Variants in PCSK5 observed in about 807,000 individuals in gnomAD.
PCSK5 encodes the protein prohormone convertase 5.
Under a neutral mutation model 233.2 loss-of-function variants are expected in PCSK5, and 129 were observed. The ratio of observed to expected loss-of-function variants is 0.55; its 90% CI spans 0.48 to 0.64. The LOEUF (loss-of-function observed/expected upper bound fraction) is 0.64. Ranked by LOEUF, PCSK5 falls within the 30% of genes least tolerant of loss-of-function variation. The pLI, the probability that PCSK5 is intolerant of heterozygous loss-of-function variation, is 0.00. For synonymous variants in PCSK5, 825 were observed against 879.2 expected (o/e 0.94, Z 1.09); for missense variants, 2,076 against 2,430.1 (o/e 0.85, Z 3.06).
intron 35 of PCSK5, 85 bp from the exon 36 acceptor site, chr9:76,350,743 A>G (rs1264316890): frequency 3.1e-5 from 26 of 841,690 alleles, no homozygotes; most frequent in Non-Finnish European, 1.2e-5. Flanking sequence ...TACTTGACAT[A>G]TTCCTTGTTC....
rs1391235618 is a variant in PCSK5 at position 76,156,622 on chromosome 9, T to TG, written c.1313-419dup. On this transcript the variant is annotated intron_variant, in intron 10 of 37. Coordinates refer to ENST00000674117, the MANE Select transcript of PCSK5 (RefSeq NM_001372043.1). ...CACTTAAATGCAAGTGATTAAACAG[T>TG]GGGGCCCTGGAGAAAAACTACGTGC... Among the ~76,000 whole-genome samples the TG allele has an allele frequency of 2.6e-5, 4 of 152,192 alleles. No homozygotes were observed. The East Asian group carries it at 7.7e-4, about 29-fold the overall frequency.
intron 7 of PCSK5, among the ~76,000 whole-genome samples, chr9:76,073,458 A>G (rs1041909240): frequency 6.6e-6 from 1 of 152,146 alleles, no homozygotes; most frequent in Admixed American, 6.5e-5. Flanking sequence ...CTCATTGTCT[A>G]GAAGTTTTCT....
chr9:76,287,182 T>A (rs1264981957), intron 24 of PCSK5: 1 of 208,046 alleles, frequency 4.8e-6, no homozygotes, highest in African/African-American at 2.3e-5. Flanking sequence ...TAATATCTGA[T>A]CAGCAAGGGA....
At chr9:76,076,106 A>G (rs1268712639) in intron 7 of PCSK5, among the ~76,000 whole-genome samples, 1 of 152,236 alleles carries the variant, frequency 6.6e-6, no homozygotes, top group Non-Finnish European at 1.5e-5. Context: ...GACATAAATG[A>G]TAACAAGCCC....
At chr9:76,082,162 C>G (rs1164797453) in intron 7 of PCSK5, among the ~76,000 whole-genome samples, 2 of 152,134 alleles carry the variant, frequency 1.3e-5, no homozygotes, top group Non-Finnish European at 2.9e-5. Flanking sequence ...TGAAATTTTA[C>G]ATGTCATCTT....
chr9:76,142,154 T>C (rs1823256875), intron 10 of PCSK5, among the ~76,000 whole-genome samples: 1 of 151,806 alleles, frequency 6.6e-6, no homozygotes, highest in Admixed American at 6.6e-5. Context: ...AGTAATGTTT[T>C]AAATTTTTAA....
intron 28 of PCSK5, among the ~76,000 whole-genome samples, chr9:76,303,986 A>G (rs1392007609): frequency 6.6e-6 from 1 of 152,178 alleles, no homozygotes; most frequent in Non-Finnish European, 1.5e-5. Context: ...AGCCCGGGCA[A>G]AATGGTGAAA....
intron 1 of PCSK5, among the ~76,000 whole-genome samples, chr9:75,903,589 A>ATATATATTATATATATATTATATATAT: frequency 1.6e-5 from 2 of 128,788 alleles, no homozygotes; most frequent in Admixed American, 7.7e-5. Flanking sequence ...TATATATATA[A>ATATATATTATATATATATTATATATAT]AATATATATT....
intron 12 of PCSK5, among the ~76,000 whole-genome samples, chr9:76,163,054 G>C (rs779897833): frequency 2.0e-5 from 3 of 152,200 alleles, no homozygotes; most frequent in Non-Finnish European, 4.4e-5. Flanking sequence ...ATGAAGCAGA[G>C]GGGGAGAGTC....
chr9:76,121,723 T>C (rs1832635444), intron 9 of PCSK5, among the ~76,000 whole-genome samples: 1 of 152,186 alleles, frequency 6.6e-6, no homozygotes, highest in Non-Finnish European at 1.5e-5. Context: ...GGATCAGAGT[T>C]CTCGCATGTT....
chr9:76,202,440 A>G (rs1451883115), intron 20 of PCSK5, among the ~76,000 whole-genome samples: 1 of 152,014 alleles, frequency 6.6e-6, no homozygotes, highest in African/African-American at 2.4e-5. Context: ...ATGAGACTCC[A>G]CTCCCCTGTG....
intron 9 of PCSK5, among the ~76,000 whole-genome samples, chr9:76,126,173 G>A (rs1832844560): frequency 8.0e-6 from 1 of 125,680 alleles, no homozygotes; most frequent in African/African-American, 4.1e-5. Context: ...TTTCCTGCGT[G>A]TGTGTGTATG....
chr9:76,166,225 AC>A (rs1390284597), intron 12 of PCSK5, among the ~76,000 whole-genome samples: 3 of 152,100 alleles, frequency 2.0e-5, no homozygotes, highest in Admixed American at 6.5e-5. Context: ...CCTCTCCTCA[AC>A]TCTTATATTC....
Position 76,095,799 on chromosome 9 carries a change from C to T in PCSK5, c.895-91C>T, listed in dbSNP as rs1291002622. The T allele has an allele frequency of 3.6e-6, 4 of 1,109,380 alleles. No homozygotes were observed. The African/African-American group carries it at 4.6e-5, about 13-fold the overall frequency. The allele number at this position is 1,109,380 out of a possible 1,614,324, so 68.7% of individuals were successfully genotyped here. A position where few individuals can be genotyped will look rare whatever the true frequency, so the allele number is the denominator to read the frequency against. ...CATATTAAGATAGCAACACACCCCACCTGCACCTACTCAGTTTGGCTCAGT... is the reference window on the plus strand; with the variant it reads ...CATATTAAGATAGCAACACACCCCATCTGCACCTACTCAGTTTGGCTCAGT... On this transcript the variant is annotated intron_variant, in intron 7 of 37. Coordinates refer to ENST00000674117, the MANE Select transcript of PCSK5 (RefSeq NM_001372043.1).
In PCSK5 at chr9:76,209,932, G is replaced by A. The variant is rs551991742; in HGVS notation, c.2627-17571G>A. Among the ~76,000 whole-genome samples the A allele has an allele frequency of 1.1e-4, 16 of 152,268 alleles. No homozygotes were observed. The South Asian group carries it at 2.7e-3, about 26-fold the overall frequency. ...TTCTTCACAGAGGAGGCTACTTTGA[G>A]TTGTAGAGAATGAGTAGAAGTTTGC... is the stretch of plus-strand genomic sequence containing the variant. On this transcript the variant is annotated intron_variant, in intron 20 of 37. Coordinates refer to ENST00000674117, the MANE Select transcript of PCSK5 (RefSeq NM_001372043.1).
rs745747141 is a variant in PCSK5, at chr9:76,233,557, C to G, written c.2827C>G (p.Gln943Glu). 6.2e-6 allele frequency: 10 copies of G among 1,611,946 alleles called. No homozygotes were observed. In the South Asian group the frequency reaches 9.9e-5, roughly 16 times the overall value. The change falls in exon 22 of 38, where the codon CAA (glutamine) becomes GAA (glutamate). Residue 943 changes from glutamine (Q) to glutamate (E), a missense_variant. Physicochemically the swap from Gln to Glu is conservative, Grantham distance 29. Transcript: ENST00000674117. ...HPCHHTCQRC[Q>E]GSGPTHCTSC... ...ATGCCACCACACCTGCCAGAGATGC[C>G]AAGGAAGTGGCCCTACCCACTGCAC...
At chr9:75,907,403 T>G (rs1005216354) in intron 1 of PCSK5, among the ~76,000 whole-genome samples, 2 of 152,310 alleles carry the variant, frequency 1.3e-5, no homozygotes, top group African/African-American at 2.4e-5. Context: ...GCATTGTTTA[T>G]TCTATAAAGG....
chr9:76,286,937 CTG>C, intron 24 of PCSK5: 1 of 239,522 alleles, frequency 4.2e-6, no homozygotes, highest in Non-Finnish European at 8.0e-6. Flanking sequence ...GCAGCCTGCC[CTG>C]TGGAAACCTG....
chr9:76,322,925 G>A (rs549262668), intron 31 of PCSK5, 127 bp from the exon 32 acceptor site: 4 of 627,474 alleles, frequency 6.4e-6, no homozygotes, highest in South Asian at 5.7e-5. Flanking sequence ...TGGCAGGGTG[G>A]GTAAAGGGCA....
Sources: allele counts gnomAD v4.1 joint callset (sites outside exome capture counted in the v4.1 genomes callset), GRCh38; gene constraint gnomAD v4.1.1; transcripts MANE v1.5; gene names NCBI Gene and HGNC (gene_info 2026-07-23, HGNC 2026-07-21).